Variants in NR1I2 observed in about 807,000 individuals in gnomAD.
NR1I2 encodes the protein nuclear receptor subfamily 1 group I member 2.
Under a neutral mutation model 43.3 loss-of-function variants are expected in NR1I2, and 42 were observed. The ratio of observed to expected loss-of-function variants is 0.97; its 90% CI spans 0.76 to 1.26. The LOEUF (loss-of-function observed/expected upper bound fraction) is 1.26. NR1I2 is among the 50% of genes most tolerant of loss of function. The probability of loss-of-function intolerance (pLI) is 0.00; values close to 1 mark genes in which losing one functional copy is unlikely to be tolerated. For synonymous variants in NR1I2, 229 were observed against 215.0 expected, an observed-to-expected ratio of 1.06 and a Z score of -0.57; for missense variants, 559 against 566.7, an observed-to-expected ratio of 0.99 and a Z score of 0.14.
At chr3:119,785,635 C>G (rs1281874383) in intron 1 of NR1I2, among the ~76,000 whole-genome samples, 1 of 152,168 alleles carries the variant, frequency 6.6e-6, no homozygotes, top group African/African-American at 2.4e-5. Context: ...AAATCCAGGC[C>G]CCAGGCCTAC....
intron 1 of NR1I2, among the ~76,000 whole-genome samples, chr3:119,799,425 G>A (rs1195077862): frequency 6.6e-6 from 1 of 152,022 alleles, no homozygotes; most frequent in Non-Finnish European, 1.5e-5. Context: ...ATATATTCTG[G>A]ATACAAGTCC....
rs554988730 is a variant in NR1I2 at position 119,815,127 on chromosome 3, C to G, written c.937+6C>G. On this transcript the variant is annotated splice_donor_region_variant and intron_variant, in intron 6 of 8. Transcript: ENST00000393716. ...CTGCTTGGAAGACACTGCAGGTGCC[C>G]GAGAGAGCCTGCCTGCCCTGGCAGA... 3 of 1,613,932 alleles carry G rather than the reference C, an allele frequency of 1.9e-6. No homozygotes were observed. The highest frequency in any genetic ancestry group is 1.6e-4 in the Middle Eastern group (1 of 6,082).
chr3:119,794,666 C>T (rs1003640588), intron 1 of NR1I2, among the ~76,000 whole-genome samples: 3 of 152,128 alleles, frequency 2.0e-5, no homozygotes, highest in Non-Finnish European at 4.4e-5. Context: ...GGCCAAGCGC[C>T]ATGGTTCATG....
At position 119,818,309 on chromosome 3, in the gene NR1I2, A is replaced by C; in HGVS notation, c.*1097A>C. On this transcript the variant is annotated 3_prime_UTR_variant, in exon 9 of 9. Transcript: ENST00000393716. ...GTGTACACATCTATTCTCAAAGCTA[A>C]AGGGTATGAAAGTGCCTGCCTTGTT... The C allele has an allele frequency of 1.0e-6, 1 of 985,424 alleles. No homozygotes were observed. Among genetic ancestry groups the C allele is most frequent in the Non-Finnish European group, 1.2e-6 (1 of 829,922 alleles). 61.0% of individuals were successfully genotyped at this position (985,424 alleles called of 1,614,324 possible).
chr3:119,809,948 G>A (rs2107971991), intron 2 of NR1I2, 113 bp from the exon 3 acceptor site: 1 of 1,381,228 alleles, frequency 7.2e-7, no homozygotes, highest in Non-Finnish European at 1.0e-6. Flanking sequence ...AAAGGCTAGT[G>A]TCCCCCTCCC....
At chr3:119,809,634 C>T (rs938254841) in intron 2 of NR1I2, among the ~76,000 whole-genome samples, 1 of 151,894 alleles carries the variant, frequency 6.6e-6, no homozygotes, top group African/African-American at 2.4e-5. Flanking sequence ...TCAGCTCCCT[C>T]CCTTAAGGAG....
At chr3:119,805,756 C>A (rs147502723) in intron 1 of NR1I2, among the ~76,000 whole-genome samples, 1,724 of 126,648 alleles carry the variant, frequency 0.014, 33 homozygotes, top group African/African-American at 0.048. Flanking sequence ...AGGAGGATTT[C>A]TGTTGGGTGT....
chr3:119,817,461 G>C lies in NR1I2; in HGVS notation c.*249G>C. ...TACGTGGAGAGTGCACTGACCTGTA[G>C]GTCAGGACCATCAGAGAGGCAAGGT... On this transcript the variant is annotated 3_prime_UTR_variant, in exon 9 of 9. Coordinates refer to ENST00000393716, the MANE Select transcript of NR1I2 (RefSeq NM_003889.4). 7.3e-7 allele frequency: 1 copy of C among 1,362,282 alleles called. No homozygotes were observed. The highest frequency in any genetic ancestry group is 9.5e-7 in the Non-Finnish European group (1 of 1,052,584). 84.4% of individuals were successfully genotyped at this position (1,362,282 alleles called of 1,614,324 possible). A position where few individuals can be genotyped will look rare whatever the true frequency, so the allele number is the denominator to read the frequency against.
intron 8 of NR1I2, 87 bp downstream of exon 8, chr3:119,815,918 G>A: frequency 8.8e-7 from 1 of 1,135,696 alleles, no homozygotes; most frequent in Admixed American, 2.0e-5. Context: ...ATGGCCAGAG[G>A]GTGGCATCTG....
intron 1 of NR1I2, among the ~76,000 whole-genome samples, chr3:119,802,434 T>C (rs759103934): frequency 3.9e-5 from 6 of 152,252 alleles, no homozygotes; most frequent in Non-Finnish European, 8.8e-5. Flanking sequence ...CTGTGATTCA[T>C]GTAGTCATGT....
chr3:119,788,012 T>G (rs1487612091), intron 1 of NR1I2, among the ~76,000 whole-genome samples: 1 of 152,202 alleles, frequency 6.6e-6, no homozygotes, highest in Non-Finnish European at 1.5e-5. Flanking sequence ...GCTTGTGCTT[T>G]GACTCATTTG....
intron 1 of NR1I2, among the ~76,000 whole-genome samples, chr3:119,787,885 C>T (rs2054865848): frequency 6.6e-6 from 1 of 151,856 alleles, no homozygotes; most frequent in African/African-American, 2.4e-5. Context: ...AGTTTCTATC[C>T]CAAAGATTAT....
At chr3:119,789,973 G>A (rs1171486708) in intron 1 of NR1I2, among the ~76,000 whole-genome samples, 3 of 152,014 alleles carry the variant, frequency 2.0e-5, no homozygotes, top group African/African-American at 4.8e-5. Flanking sequence ...ACCATCTTAA[G>A]CATTTCTAAG....
intron 1 of NR1I2, among the ~76,000 whole-genome samples, chr3:119,787,744 T>C (rs2054862817): frequency 6.7e-6 from 1 of 150,090 alleles, no homozygotes; most frequent in Non-Finnish European, 1.5e-5. Context: ...AGGATGATTA[T>C]ATATATATTT....
At chr3:119,805,750 G>A (rs1280752048) in intron 1 of NR1I2, among the ~76,000 whole-genome samples, 1 of 126,026 alleles carries the variant, frequency 7.9e-6, no homozygotes. Flanking sequence ...AAAAAAAGGA[G>A]GATTTCTGTT....
In NR1I2 at chr3:119,805,456, T is replaced by TGAGGCG. The variant is rs558823486; in HGVS notation, c.-22-1767_-22-1762dup. Among the ~76,000 whole-genome samples, 267 of 152,126 alleles carry TGAGGCG rather than the reference T, an allele frequency of 1.8e-3. 3 individuals carry two copies. The highest frequency in any genetic ancestry group is 0.012 in the East Asian group (63 of 5,168). On this transcript the variant is annotated intron_variant, in intron 1 of 8. Coordinates refer to ENST00000393716, the MANE Select transcript of NR1I2 (RefSeq NM_003889.4). ...CTGTAATCCCAGCACTTTGGGAGGC[T>TGAGGCG]GAGGCGGAGGCTGAGGCGGGCAGAT...
At chr3:119,793,880 T>C (rs183053196) in intron 1 of NR1I2, among the ~76,000 whole-genome samples, 46 of 152,382 alleles carry the variant, frequency 3.0e-4, no homozygotes, top group African/African-American at 3.1e-4. Context: ...GAAAGTGTTA[T>C]GACATTTTTC....
Position 119,815,847 on chromosome 3 carries a change from G to C in NR1I2, c.1160+16G>C. The C allele has an allele frequency of 1.9e-6, 3 of 1,587,630 alleles. No homozygotes were observed. The highest frequency in any genetic ancestry group is 2.6e-6 in the Non-Finnish European group (3 of 1,163,580). On this transcript the variant is annotated intron_variant, in intron 8 of 8. Transcript: ENST00000393716. ...CTGCTCATAGGTGAGCACAGCAGGG[G>C]GTGAGGACCCGTGAGGGTGATGTGA... is the stretch of plus-strand genomic sequence containing the variant.
At chr3:119,796,383 A>T (rs1433402919) in intron 1 of NR1I2, among the ~76,000 whole-genome samples, 1 of 152,112 alleles carries the variant, frequency 6.6e-6, no homozygotes, top group African/African-American at 2.4e-5. Context: ...GCCTCCTTGG[A>T]ACCCACTGTC....
Sources: allele counts gnomAD v4.1 joint callset (sites outside exome capture counted in the v4.1 genomes callset), GRCh38; gene constraint gnomAD v4.1.1; transcripts MANE v1.5; gene names NCBI Gene and HGNC (gene_info 2026-07-23, HGNC 2026-07-21).